ADAMTS18: variants seen among roughly 807,000 people sequenced by gnomAD.
ADAMTS18 encodes A disintegrin and metalloproteinase with thrombospondin motifs 18.
Under a neutral mutation model 165.9 loss-of-function variants are expected in ADAMTS18, and 157 were observed. That is an observed-to-expected ratio of 0.95 (90% CI 0.83 to 1.08). ADAMTS18 has a LOEUF of 1.08. Ranked by LOEUF, ADAMTS18 falls within the 50% of genes least tolerant of loss-of-function variation. The probability of loss-of-function intolerance (pLI) is 0.00; values close to 1 mark genes in which losing one functional copy is unlikely to be tolerated. For missense variants in ADAMTS18, 2,040 were observed against 1,534.0 expected (o/e 1.33, Z -5.51); for synonymous variants, 782 against 578.2 (o/e 1.35, Z -5.06).
chr16:77,391,480 A>G (rs1172205075), intron 3 of ADAMTS18, among the ~76,000 whole-genome samples: 1 of 148,418 alleles, frequency 6.7e-6, no homozygotes, highest in East Asian at 2.0e-4. Context: ...CAACAGCGCA[A>G]GACTCAGTCT....
intron 3 of ADAMTS18, among the ~76,000 whole-genome samples, chr16:77,426,623 A>C (rs1035864020): frequency 6.6e-6 from 1 of 152,206 alleles, no homozygotes; most frequent in Non-Finnish European, 1.5e-5. Flanking sequence ...TCTTCCCTAG[A>C]TTGTAAGCTC....
intron 4 of ADAMTS18, 86 bp from the exon 5 acceptor site, chr16:77,364,467 A>C: frequency 6.9e-7 from 1 of 1,440,956 alleles, no homozygotes; most frequent in Middle Eastern, 2.0e-4. Context: ...CAAGGGAAGA[A>C]GAGAAACTAT....
chr16:77,334,441 T>C (rs1489265471), intron 12 of ADAMTS18, among the ~76,000 whole-genome samples: 5 of 112,672 alleles, frequency 4.4e-5, no homozygotes, highest in Admixed American at 1.1e-4. Context: ...CTGTATATTA[T>C]AGTATATATT....
intron 12 of ADAMTS18, 109 bp downstream of exon 12, chr16:77,335,647 T>C: frequency 7.4e-7 from 1 of 1,351,464 alleles, no homozygotes; most frequent in Non-Finnish European, 1.0e-6. Flanking sequence ...TATGTAGCCA[T>C]AATAATTAAA....
intron 3 of ADAMTS18, among the ~76,000 whole-genome samples, chr16:77,398,082 C>T (rs140710490): frequency 4.9e-4 from 75 of 152,048 alleles, no homozygotes; most frequent in African/African-American, 1.8e-3. Context: ...TTTGGGAGGC[C>T]GAGGCAGGCA....
intron 22 of ADAMTS18, among the ~76,000 whole-genome samples, chr16:77,288,946 G>C (rs971204995): frequency 6.6e-6 from 1 of 152,108 alleles, no homozygotes; most frequent in Non-Finnish European, 1.5e-5. Flanking sequence ...TTAGCCAGGC[G>C]TGGTGGTGCA....
At chr16:77,417,642 T>A (rs566844677) in intron 3 of ADAMTS18, among the ~76,000 whole-genome samples, 60 of 152,336 alleles carry the variant, frequency 3.9e-4, no homozygotes, top group South Asian at 6.2e-4. Flanking sequence ...GCGACTATTT[T>A]TAAAAGAACT....
At chr16:77,297,637 A>G (rs562512490) in intron 17 of ADAMTS18, among the ~76,000 whole-genome samples, 1 of 152,152 alleles carries the variant, frequency 6.6e-6, no homozygotes, top group East Asian at 1.9e-4. Flanking sequence ...TAACATGTAG[A>G]TTATTGGTTT....
chr16:77,297,155 C>T, intron 18 of ADAMTS18, 134 bp downstream of exon 18: 1 of 1,336,592 alleles, frequency 7.5e-7, no homozygotes, highest in Non-Finnish European at 1.1e-6. Context: ...TCTTCTATTA[C>T]TTTTTAAAGT....
At chr16:77,388,986 A>C (rs953060453) in intron 3 of ADAMTS18, among the ~76,000 whole-genome samples, 7 of 152,190 alleles carry the variant, frequency 4.6e-5, no homozygotes, top group African/African-American at 1.7e-4. Context: ...AGAATCACTG[A>C]TGTGATTAAG....
At chr16:77,388,246 C>G (rs1164199572) in intron 3 of ADAMTS18, among the ~76,000 whole-genome samples, 1 of 152,082 alleles carries the variant, frequency 6.6e-6, no homozygotes, top group Non-Finnish European at 1.5e-5. Flanking sequence ...ATTATAGGTC[C>G]CTGCCACTGT....
intron 9 of ADAMTS18, 75 bp downstream of exon 9, chr16:77,355,865 C>T (rs8058333): frequency 0.27 from 419,400 of 1,559,260 alleles, 64,353 homozygotes; most frequent in East Asian, 0.61. Flanking sequence ...ACTGAGTATT[C>T]GTTTGCAGGT....
At chr16:77,298,850 T>G (rs967196775) in intron 17 of ADAMTS18, among the ~76,000 whole-genome samples, 1 of 152,226 alleles carries the variant, frequency 6.6e-6, no homozygotes, top group Non-Finnish European at 1.5e-5. Context: ...TTGACTTTAA[T>G]AGGACTTATT....
At chr16:77,331,039 G>A (rs2056180512) in intron 12 of ADAMTS18, among the ~76,000 whole-genome samples, 2 of 152,148 alleles carry the variant, frequency 1.3e-5, no homozygotes, top group Admixed American at 6.5e-5. Flanking sequence ...ATGGCTTCAT[G>A]CAGAGTTAAA....
At chr16:77,349,227 G>A (rs2056520198) in intron 10 of ADAMTS18, among the ~76,000 whole-genome samples, 1 of 152,016 alleles carries the variant, frequency 6.6e-6, no homozygotes, top group Admixed American at 6.6e-5. Context: ...AGTCAAGCTG[G>A]GAACTCGGTC....
intron 11 of ADAMTS18, among the ~76,000 whole-genome samples, chr16:77,336,894 G>C (rs1213030264): frequency 6.6e-6 from 1 of 152,202 alleles, no homozygotes; most frequent in African/African-American, 2.4e-5. Context: ...TCTGCAATTA[G>C]ATCCAAAGGG....
intron 3 of ADAMTS18, among the ~76,000 whole-genome samples, chr16:77,386,697 T>C (rs187394711): frequency 4.5e-4 from 68 of 152,314 alleles, no homozygotes; most frequent in African/African-American, 1.6e-3. Flanking sequence ...AGTCATATCT[T>C]GCTAGCTAGG....
At chr16:77,312,255 A>G (rs760672218) in intron 16 of ADAMTS18, among the ~76,000 whole-genome samples, 1 of 149,880 alleles carries the variant, frequency 6.7e-6, no homozygotes, top group Non-Finnish European at 1.5e-5. Context: ...GTTTTTTTTG[A>G]GACGGAGTTT....
chr16:77,419,655 C>A (rs952060887), intron 3 of ADAMTS18, among the ~76,000 whole-genome samples: 5 of 152,138 alleles, frequency 3.3e-5, no homozygotes, highest in Admixed American at 2.6e-4. Context: ...CAGAAATAGA[C>A]TGAATACTTG....
Sources: gnomAD v4.1 joint callset for allele counts (sites outside exome capture counted in the v4.1 genomes callset) on GRCh38, gnomAD v4.1.1 for gene constraint, MANE v1.5 for transcripts, NCBI Gene and HGNC (gene_info 2026-07-23, HGNC 2026-07-21) for gene names.